The following UBAC2 variants were observed in gnomAD, a reference collection of about 807,000 sequenced individuals.
The protein encoded by UBAC2 is ubiquitin-associated domain-containing protein 2.
UBAC2 carries 26 observed loss-of-function variants against 44.0 expected under a neutral mutation model. The ratio of observed to expected loss-of-function variants is 0.59; its 90% CI spans 0.43 to 0.82. UBAC2 has a LOEUF of 0.82. Ranked by LOEUF, UBAC2 falls within the 40% of genes least tolerant of loss-of-function variation. UBAC2 has a pLI of 0.00. For missense variants in UBAC2, 329 were observed against 419.4 expected (o/e 0.78, Z 1.88); for synonymous variants, 155 against 154.3 (o/e 1.00, Z -0.04).
intron 4 of UBAC2, among the ~76,000 whole-genome samples, chr13:99,291,796 T>G (rs1311657641): frequency 2.6e-5 from 4 of 152,174 alleles, no homozygotes; most frequent in Non-Finnish European, 5.9e-5. Flanking sequence ...CATTGAGAAT[T>G]AAGAACTTCA....
At chr13:99,213,220 CA>C (rs201377496) in intron 1 of UBAC2, among the ~76,000 whole-genome samples, 4 of 121,194 alleles carry the variant, frequency 3.3e-5, no homozygotes, top group Middle Eastern at 4.1e-3. Context: ...CTTTTTTTTT[CA>C]ATTTTTTTTT....
intron 4 of UBAC2, among the ~76,000 whole-genome samples, chr13:99,247,682 C>G (rs1356164869): frequency 1.3e-5 from 2 of 152,126 alleles, no homozygotes; most frequent in East Asian, 3.9e-4. Context: ...CAGCAAACCA[C>G]CATGGCACAT....
intron 1 of UBAC2, among the ~76,000 whole-genome samples, chr13:99,206,760 C>T (rs2142642283): frequency 6.6e-6 from 1 of 152,344 alleles, no homozygotes; most frequent in East Asian, 1.9e-4. Flanking sequence ...GGGATTCAGT[C>T]ATCTCCCTAT....
chr13:99,382,303 T>G (rs1276392133), intron 8 of UBAC2, among the ~76,000 whole-genome samples: 1 of 152,228 alleles, frequency 6.6e-6, no homozygotes, highest in African/African-American at 2.4e-5. Flanking sequence ...AGTCCTAGAC[T>G]TAAAAGGTCA....
intron 6 of UBAC2, among the ~76,000 whole-genome samples, chr13:99,339,636 A>G (rs1173854605): frequency 8.1e-6 from 1 of 123,646 alleles, no homozygotes; most frequent in Admixed American, 8.0e-5. Context: ...AATTCACATC[A>G]AGATTTTTTT....
intron 6 of UBAC2, among the ~76,000 whole-genome samples, chr13:99,325,622 G>T (rs542625047): frequency 6.6e-6 from 1 of 152,270 alleles, no homozygotes; most frequent in East Asian, 1.9e-4. Context: ...ATGGGGTTGT[G>T]CAGCGAATCT....
chr13:99,317,998 T>A (rs2044515462), intron 5 of UBAC2, 24 bp from the exon 6 acceptor site: 4 of 1,596,504 alleles, frequency 2.5e-6, no homozygotes, highest in Middle Eastern at 1.7e-4. Context: ...TTATTTTTAG[T>A]TGCCTTTTTT....
At chr13:99,202,315 A>G (rs571334916) in intron 1 of UBAC2, among the ~76,000 whole-genome samples, 1 of 152,300 alleles carries the variant, frequency 6.6e-6, no homozygotes, top group African/African-American at 2.4e-5. Flanking sequence ...TACAACTACT[A>G]AGTAATCTTC....
At chr13:99,352,741 C>G (rs1057408146) in intron 7 of UBAC2, among the ~76,000 whole-genome samples, 4 of 152,228 alleles carry the variant, frequency 2.6e-5, no homozygotes, top group African/African-American at 7.2e-5. Context: ...ACGATCCCTC[C>G]TCTCCCTGAG....
At chr13:99,255,942 G>T in intron 4 of UBAC2, 1 of 1,397,934 alleles carries the variant, frequency 7.2e-7, no homozygotes, top group Non-Finnish European at 9.6e-7. Flanking sequence ...GAATAAAATC[G>T]TTGGTTAAAA....
intron 8 of UBAC2, among the ~76,000 whole-genome samples, chr13:99,368,319 C>T (rs753428711): frequency 6.6e-6 from 1 of 152,034 alleles, no homozygotes; most frequent in Non-Finnish European, 1.5e-5. Context: ...ACCAAAAGGA[C>T]AGGGACAAAT....
chr13:99,320,740 G>T (rs1353420243), intron 6 of UBAC2, among the ~76,000 whole-genome samples: 1 of 151,966 alleles, frequency 6.6e-6, no homozygotes, highest in African/African-American at 2.4e-5. Flanking sequence ...CTGTGATGTG[G>T]CATACTTTAG....
intron 4 of UBAC2, chr13:99,258,596 GAGA>G (rs2043609485): frequency 6.6e-6 from 1 of 152,210 alleles, no homozygotes; most frequent in East Asian, 1.9e-4. Context: ...TCTATGGAAA[GAGA>G]AGATTTGATA....
chr13:99,383,826 C>G (rs2045583198), intron 8 of UBAC2, among the ~76,000 whole-genome samples: 1 of 152,258 alleles, frequency 6.6e-6, no homozygotes, highest in South Asian at 2.1e-4. Flanking sequence ...CAACTCTTCC[C>G]TAAGGCTTTT....
At chr13:99,326,452 T>C (rs1231163501) in intron 6 of UBAC2, among the ~76,000 whole-genome samples, 1 of 152,226 alleles carries the variant, frequency 6.6e-6, no homozygotes, top group African/African-American at 2.4e-5. Context: ...TATGTTATTC[T>C]TCATAATCTT....
At chr13:99,244,387 G>A (rs982717748) in intron 3 of UBAC2, 128 bp from the exon 4 acceptor site, 2 of 595,224 alleles carry the variant, frequency 3.4e-6, no homozygotes, top group Non-Finnish European at 2.9e-6. Context: ...ACACACATAT[G>A]CATGTGTGTA....
At chr13:99,342,580 T>C (rs1002132740) in intron 7 of UBAC2, among the ~76,000 whole-genome samples, 3 of 152,274 alleles carry the variant, frequency 2.0e-5, no homozygotes, top group African/African-American at 4.8e-5. Context: ...TCCTCTGTGC[T>C]ACCACCATGG....
Position 99,213,087 on chromosome 13 carries a change from C to T in UBAC2, c.31+12148C>T, listed in dbSNP as rs115537808. On this transcript the variant is annotated intron_variant, in intron 1 of 8. Coordinates refer to ENST00000403766, the MANE Select transcript of UBAC2 (RefSeq NM_001144072.2). ...ATCTATGCATTCTTTTTTTTTCTGACGCATGTATATACATATACATATACC... is the reference window on the plus strand; with the variant it reads ...ATCTATGCATTCTTTTTTTTTCTGATGCATGTATATACATATACATATACC... Among the ~76,000 whole-genome samples the T allele has an allele frequency of 8.0e-3, 1,220 of 151,852 alleles. 12 individuals carry two copies. Among genetic ancestry groups the T allele is most frequent in the African/African-American group, 0.028 (1,162 of 41,384 alleles).
chr13:99,333,097 G>T (rs946933287), intron 6 of UBAC2, among the ~76,000 whole-genome samples: 66 of 86,730 alleles, frequency 7.6e-4, no homozygotes, highest in Non-Finnish European at 1.0e-3. Context: ...CCCCGTCTCT[G>T]GGGGGGGAAG....
Sources: gnomAD v4.1 joint callset for allele counts (sites outside exome capture counted in the v4.1 genomes callset) on GRCh38, gnomAD v4.1.1 for gene constraint, MANE v1.5 for transcripts, NCBI Gene and HGNC (gene_info 2026-07-23, HGNC 2026-07-21) for gene names.